Variants in SLC10A7 observed in about 807,000 individuals in gnomAD.
SLC10A7 encodes solute carrier family 10 member 7, also known as sodium/bile acid cotransporter 7.
In SLC10A7, 29 loss-of-function variants were observed where a neutral mutation model predicts 43.2. That is an observed-to-expected ratio of 0.67 (90% CI 0.50 to 0.92). The LOEUF (loss-of-function observed/expected upper bound fraction) is 0.92. Among genes scored for constraint, SLC10A7 ranks in the 40% least tolerant of loss-of-function variants. The probability of loss-of-function intolerance (pLI) is 0.00; values close to 1 mark genes in which losing one functional copy is unlikely to be tolerated. For synonymous variants in SLC10A7, 152 were observed against 144.8 expected, an observed-to-expected ratio of 1.05 and a Z score of -0.35; for missense variants, 295 against 403.2, an observed-to-expected ratio of 0.73 and a Z score of 2.30.
intron 5 of SLC10A7, among the ~76,000 whole-genome samples, chr4:146,332,945 T>G (rs1733635114): frequency 6.6e-6 from 1 of 152,184 alleles, no homozygotes; most frequent in South Asian, 2.1e-4. Flanking sequence ...TGTCACTCAG[T>G]GAGGCCTTAC....
intron 4 of SLC10A7, among the ~76,000 whole-genome samples, chr4:146,494,809 T>A (rs1735746557): frequency 6.6e-6 from 1 of 152,136 alleles, no homozygotes; most frequent in African/African-American, 2.4e-5. Context: ...ACTGCTAACC[T>A]ATTAAAAGGG....
intron 11 of SLC10A7, chr4:146,256,867 T>C: frequency 6.5e-7 from 1 of 1,536,304 alleles, no homozygotes; most frequent in Non-Finnish European, 8.7e-7. Context: ...TGCCCAAATT[T>C]GATGGATAGA....
intron 4 of SLC10A7, among the ~76,000 whole-genome samples, chr4:146,448,332 T>A (rs1731293121): frequency 6.6e-6 from 1 of 152,198 alleles, no homozygotes; most frequent in Admixed American, 6.5e-5. Context: ...AACGTTATGT[T>A]CTACCTTAAG....
intron 5 of SLC10A7, among the ~76,000 whole-genome samples, chr4:146,412,362 G>T (rs534988912): frequency 4.5e-4 from 69 of 152,208 alleles, no homozygotes; most frequent in African/African-American, 1.6e-3. Flanking sequence ...ACATCTACTT[G>T]CTCTGCAATG....
chr4:146,359,283 T>C (rs540986401), intron 5 of SLC10A7, among the ~76,000 whole-genome samples: 63 of 152,328 alleles, frequency 4.1e-4, no homozygotes, highest in South Asian at 1.7e-3. Context: ...GCTTGCTGGA[T>C]ATCTGACAAA....
chr4:146,486,735 C>T (rs1043624089), intron 4 of SLC10A7, among the ~76,000 whole-genome samples: 2 of 152,200 alleles, frequency 1.3e-5, no homozygotes, highest in Non-Finnish European at 2.9e-5. Flanking sequence ...TTTGCTTTCA[C>T]TTTCTCATCC....
At chr4:146,338,396 G>A (rs1223369218) in intron 5 of SLC10A7, among the ~76,000 whole-genome samples, 5 of 151,850 alleles carry the variant, frequency 3.3e-5, no homozygotes, top group African/African-American at 1.2e-4. Flanking sequence ...AGAAAATTGA[G>A]GTACATAGAC....
In SLC10A7 at chr4:146,336,082, G is replaced by A. The variant is rs547928442; in HGVS notation, c.436-10086C>T. 4.8e-4 allele frequency among the ~76,000 whole-genome samples: 73 copies of A among 152,204 alleles called. 1 individual carries two copies. The South Asian group carries it at 0.011, about 24-fold the overall frequency. The stretch of plus-strand genomic sequence containing the variant: ...TTAAAAAATGGATTTAGATTCTAGA[G>A]CAGAGGTTGGCAAACTTTTTCTGTG... On this transcript the variant is annotated intron_variant, in intron 5 of 11. Coordinates refer to ENST00000335472, the MANE Select transcript of SLC10A7 (RefSeq NM_001029998.6).
At chr4:146,446,776 CTAT>C (rs1731133469) in intron 4 of SLC10A7, among the ~76,000 whole-genome samples, 1 of 151,618 alleles carries the variant, frequency 6.6e-6, no homozygotes, top group African/African-American at 2.4e-5. Context: ...ATCTATCTAT[CTAT>C]CTATCTATCT....
intron 7 of SLC10A7, among the ~76,000 whole-genome samples, chr4:146,303,375 C>CTTTTTT (rs111238580): frequency 7.3e-6 from 1 of 137,604 alleles, no homozygotes; most frequent in African/African-American, 2.8e-5. Context: ...CTTTTTCTTT[C>CTTTTTT]TTTTTTTTTT....
At chr4:146,330,064 T>C (rs1578900011) in intron 5 of SLC10A7, among the ~76,000 whole-genome samples, 1 of 152,270 alleles carries the variant, frequency 6.6e-6, no homozygotes, top group South Asian at 2.1e-4. Context: ...AGAAGTCAAG[T>C]CACAAACTGA....
intron 6 of SLC10A7, among the ~76,000 whole-genome samples, chr4:146,307,623 T>C (rs1445869640): frequency 6.6e-6 from 1 of 152,082 alleles, no homozygotes; most frequent in Non-Finnish European, 1.5e-5. Flanking sequence ...ACTGGATGAA[T>C]AGAAAAATAC....
chr4:146,420,605 A>T (rs1465019295), intron 5 of SLC10A7, among the ~76,000 whole-genome samples: 35 of 152,234 alleles, frequency 2.3e-4, no homozygotes, highest in Admixed American at 2.3e-3. Context: ...AGATAGGTAC[A>T]TAAGGCTTAT....
chr4:146,521,237 A>C (rs1738613012), intron 1 of SLC10A7, among the ~76,000 whole-genome samples: 1 of 149,784 alleles, frequency 6.7e-6, no homozygotes, highest in Non-Finnish European at 1.5e-5. Context: ...GGCGGGGAGG[A>C]CTCGAAAGTA....
chr4:146,423,855 A>G (rs1207536122), intron 5 of SLC10A7, among the ~76,000 whole-genome samples: 4 of 152,240 alleles, frequency 2.6e-5, no homozygotes, highest in Non-Finnish European at 4.4e-5. Context: ...AGAATGGAAA[A>G]CATTAGGCAT....
intron 5 of SLC10A7, among the ~76,000 whole-genome samples, chr4:146,371,134 T>G (rs377508443): frequency 1.3e-5 from 2 of 152,202 alleles, no homozygotes; most frequent in African/African-American, 4.8e-5. Context: ...TCTTACAATG[T>G]GATATGTACT....
chr4:146,416,872 G>T (rs1279005565), intron 5 of SLC10A7, among the ~76,000 whole-genome samples: 2 of 152,004 alleles, frequency 1.3e-5, no homozygotes, highest in Non-Finnish European at 2.9e-5. Context: ...ATCTCTATAT[G>T]AAACAAACAC....
At chr4:146,372,338 A>C (rs578022768) in intron 5 of SLC10A7, among the ~76,000 whole-genome samples, 26 of 151,960 alleles carry the variant, frequency 1.7e-4, no homozygotes, top group Middle Eastern at 3.4e-3. Context: ...CCTTTAGTCC[A>C]AGCTACTCAG....
At position 146,256,400 on chromosome 4, in the gene SLC10A7, G is replaced by A; in HGVS notation, c.*91C>T. 2 of 1,237,122 alleles carry A rather than the reference G, an allele frequency of 1.6e-6. No individual in the cohort carries two copies. The highest frequency in any genetic ancestry group is 2.3e-6 in the Non-Finnish European group (2 of 854,270). The allele number at this position is 1,237,122 out of a possible 1,614,324, so 76.6% of individuals were successfully genotyped here. On this transcript the variant is annotated 3_prime_UTR_variant, in exon 12 of 12. Coordinates refer to ENST00000335472, the MANE Select transcript of SLC10A7 (RefSeq NM_001029998.6). ...TGTGTAAAAAAATAAAATATGCATT[G>A]AGGCAACATTCACAAGTACAAGTCT...
Sources: allele counts gnomAD v4.1 joint callset (sites outside exome capture counted in the v4.1 genomes callset), GRCh38; gene constraint gnomAD v4.1.1; transcripts MANE v1.5; gene names NCBI Gene and HGNC (gene_info 2026-07-23, HGNC 2026-07-21).